Variants in ITM2B observed in about 807,000 individuals in gnomAD.
The protein encoded by ITM2B is ABri/ADan amyloid peptide.
Under a neutral mutation model 27.8 loss-of-function variants are expected in ITM2B, and 11 were observed. The ratio of observed to expected loss-of-function variants is 0.40; its 90% CI spans 0.25 to 0.66. The LOEUF is 0.66. Ranked by LOEUF, ITM2B falls within the 30% of genes least tolerant of loss-of-function variation. The pLI, the probability that ITM2B is intolerant of heterozygous loss-of-function variation, is 0.43. For synonymous variants in ITM2B, 114 were observed against 114.3 expected (o/e 1.00, Z 0.02); for missense variants, 296 against 328.9 (o/e 0.90, Z 0.77).
intron 2 of ITM2B, among the ~76,000 whole-genome samples, chr13:48,255,963 A>AG (rs1442698439): frequency 6.6e-6 from 1 of 152,128 alleles, no homozygotes; most frequent in African/African-American, 2.4e-5. Context: ...AGGGAAAACC[A>AG]GCTGCCTTTC....
chr13:48,249,777 G>A (rs1247027777), intron 1 of ITM2B, among the ~76,000 whole-genome samples: 1 of 151,996 alleles, frequency 6.6e-6, no homozygotes, highest in East Asian at 1.9e-4. Context: ...TGATGTTAAA[G>A]AATTTCACCC....
In ITM2B at chr13:48,268,566, T is replaced by TC. The variant is rs1951866732; in HGVS notation, c.*7345dup. On this transcript the variant is annotated 3_prime_UTR_variant, in exon 6 of 6. Coordinates refer to ENST00000647800, the MANE Select transcript of ITM2B (RefSeq NM_021999.5). ...TCAAAGCAATCCACCCTCCTCGGCC[T>TC]CCCAAAGTGCTAGGATTACAAGTGT... The TC allele has an allele frequency of 1.3e-5, 2 of 152,146 alleles. No individual in the cohort carries two copies. Among genetic ancestry groups the TC allele is most frequent in the African/African-American group, 4.8e-5 (2 of 41,416 alleles). 9.4% of individuals were successfully genotyped at this position (152,146 alleles called of 1,614,324 possible).
intron 1 of ITM2B, among the ~76,000 whole-genome samples, chr13:48,235,033 T>C (rs1024395687): frequency 1.4e-5 from 2 of 145,670 alleles, no homozygotes; most frequent in African/African-American, 2.6e-5. Context: ...TATACACACA[T>C]ACATTTAAAA....
At position 48,261,198 on chromosome 13, in the gene ITM2B, GC is replaced by G; in HGVS notation, c.777del (p.Val260TrpfsTer4). On this transcript the variant is annotated frameshift_variant, in exon 6 of 6. Transcript: ENST00000647800. LOFTEE classifies it high-confidence loss of function. ...AATTCGGCATTTTGAAAACAAATTT[GC>G]CGTGGAAACTTTAATTTGTTCTTGA... ...FAIRHFENKF[A>X]VETLICS is the part of the protein sequence containing the mutation. 1 of 1,612,008 alleles carries G rather than the reference GC, an allele frequency of 6.2e-7. No homozygotes were observed. Among genetic ancestry groups the G allele is most frequent in the Non-Finnish European group, 8.5e-7 (1 of 1,178,552 alleles).
In ITM2B at chr13:48,262,309, G is replaced by A. The variant is rs1180712027; in HGVS notation, c.*1085G>A. On this transcript the variant is annotated 3_prime_UTR_variant, in exon 6 of 6. Coordinates refer to ENST00000647800, the MANE Select transcript of ITM2B (RefSeq NM_021999.5). ...CACCCCCATTTAATAAAATACCTAT[G>A]ATTCATTTCACCTCAAGTTCCTAAG... 1 of 152,030 alleles carries A rather than the reference G, an allele frequency of 6.6e-6. No homozygotes were observed. The highest frequency in any genetic ancestry group is 6.6e-5 in the Admixed American group (1 of 15,234). 9.4% of individuals were successfully genotyped at this position (152,030 alleles called of 1,614,324 possible).
chr13:48,249,365 AATTTATTCATCAGTTGATGGAT>A (rs771809090), intron 1 of ITM2B, among the ~76,000 whole-genome samples: 3 of 152,160 alleles, frequency 2.0e-5, no homozygotes, highest in Non-Finnish European at 4.4e-5. Flanking sequence ...AATATACCAC[AATTTATTCATCAGTTGATGGAT>A]ATTTGGGTTG....
Position 48,250,970 on chromosome 13 carries a change from C to G in ITM2B, c.118-2838C>G, listed in dbSNP as rs142712774. Reference sequence around the variant, plus strand: ...AGCCACGTTTCACGTTGTTGAGGTGCTGAATAAATTGACCTGTGGATAAGT... The same window carrying G: ...AGCCACGTTTCACGTTGTTGAGGTGGTGAATAAATTGACCTGTGGATAAGT... On this transcript the variant is annotated intron_variant, in intron 1 of 5. Coordinates refer to ENST00000647800, the MANE Select transcript of ITM2B (RefSeq NM_021999.5). Among the ~76,000 whole-genome samples the G allele has an allele frequency of 3.2e-3, 485 of 152,282 alleles. 1 individual carries two copies. Among genetic ancestry groups the G allele is most frequent in the African/African-American group, 9.3e-3 (385 of 41,550 alleles).
In ITM2B at chr13:48,267,370, A is replaced by G. The variant is rs1407425643; in HGVS notation, c.*6146A>G. On this transcript the variant is annotated 3_prime_UTR_variant, in exon 6 of 6. Coordinates refer to ENST00000647800, the MANE Select transcript of ITM2B (RefSeq NM_021999.5). ...AACATTACACTTTATTTAACCCCTA[A>G]TTATCTGATAACCCAAGTTCTGTCA... The G allele has an allele frequency of 1.3e-5, 2 of 152,202 alleles. No individual in the cohort carries two copies. Among genetic ancestry groups the G allele is most frequent in the Non-Finnish European group, 2.9e-5 (2 of 68,036 alleles). The allele number at this position is 152,202 out of a possible 1,614,324, so 9.4% of individuals were successfully genotyped here.
At chr13:48,257,680 C>T (rs960146060) in intron 3 of ITM2B, among the ~76,000 whole-genome samples, 2 of 152,110 alleles carry the variant, frequency 1.3e-5, no homozygotes, top group Admixed American at 6.5e-5. Context: ...TCTCAACCAG[C>T]GTTTCTCATT....
intron 3 of ITM2B, among the ~76,000 whole-genome samples, chr13:48,256,807 A>C (rs559420328): frequency 7.5e-4 from 114 of 152,084 alleles, no homozygotes; most frequent in Non-Finnish European, 1.3e-3. Flanking sequence ...GAATACCCAA[A>C]ATCCTCCACT....
At chr13:48,235,776 A>T (rs1254258132) in intron 1 of ITM2B, among the ~76,000 whole-genome samples, 7 of 152,156 alleles carry the variant, frequency 4.6e-5, no homozygotes, top group Non-Finnish European at 1.0e-4. Context: ...GAATCAAACC[A>T]AGCTAGTTAA....
rs185800985 is a variant in ITM2B, at chr13:48,239,806, C to T, written c.117+6329C>T. ...TTTTATAATCTCCTTTAAAGTGGAA[C>T]GCAGGACTGGCAAATTATAGCCTAT... is the stretch of plus-strand genomic sequence containing the variant. On this transcript the variant is annotated intron_variant, in intron 1 of 5. Transcript: ENST00000647800. 1.3e-4 allele frequency among the ~76,000 whole-genome samples: 20 copies of T among 152,278 alleles called. No individual in the cohort carries two copies. In the East Asian group the frequency reaches 2.9e-3, roughly 22 times the overall value.
At chr13:48,256,932 C>T (rs1056844533) in intron 3 of ITM2B, among the ~76,000 whole-genome samples, 1 of 152,156 alleles carries the variant, frequency 6.6e-6, no homozygotes, top group African/African-American at 2.4e-5. Flanking sequence ...ATAATTATCA[C>T]ATCTAAGAAA....
intron 1 of ITM2B, among the ~76,000 whole-genome samples, chr13:48,249,429 A>G (rs181837691): frequency 6.6e-6 from 1 of 152,314 alleles, no homozygotes; most frequent in African/African-American, 2.4e-5. Context: ...ATAAATAATG[A>G]TGCTGTAAAT....
rs1951876041 is a variant in ITM2B at position 48,270,080 on chromosome 13, A to G, written c.*8856A>G. On this transcript the variant is annotated 3_prime_UTR_variant, in exon 6 of 6. Coordinates refer to ENST00000647800, the MANE Select transcript of ITM2B (RefSeq NM_021999.5). The stretch of plus-strand genomic sequence containing the variant: ...GGCAGAGAAGCACAGAACCGTGGGC[A>G]CTGCTTCCCTTCCTTTAACCCTATC... The G allele has an allele frequency of 6.6e-6, 1 of 152,246 alleles. No homozygotes were observed. Among genetic ancestry groups the G allele is most frequent in the Non-Finnish European group, 1.5e-5 (1 of 68,060 alleles). The allele number at this position is 152,246 out of a possible 1,614,324, so 9.4% of individuals were successfully genotyped here. A position where few individuals can be genotyped will look rare whatever the true frequency, so the allele number is the denominator to read the frequency against.
chr13:48,252,247 A>G (rs920329326), intron 1 of ITM2B, among the ~76,000 whole-genome samples: 1 of 152,220 alleles, frequency 6.6e-6, no homozygotes, highest in East Asian at 1.9e-4. Context: ...AATTAAAAAC[A>G]TATAATCTTA....
chr13:48,239,557 G>A (rs1310833053), intron 1 of ITM2B, among the ~76,000 whole-genome samples: 1 of 152,184 alleles, frequency 6.6e-6, no homozygotes, highest in South Asian at 2.1e-4. Context: ...GCTTGAATCT[G>A]GGAGATGGAG....
At chr13:48,254,827 G>GA (rs1315720268) in intron 2 of ITM2B, 2 of 151,660 alleles carry the variant, frequency 1.3e-5, no homozygotes, top group Non-Finnish European at 2.9e-5. Context: ...ATATAGTATA[G>GA]AAAAAATCAT....
chr13:48,242,268 T>G (rs1951703844), intron 1 of ITM2B, among the ~76,000 whole-genome samples: 1 of 152,172 alleles, frequency 6.6e-6, no homozygotes, highest in Non-Finnish European at 1.5e-5. Flanking sequence ...TGATCATGCT[T>G]CTTGGGGCAG....
Sources: allele counts gnomAD v4.1 joint callset (sites outside exome capture counted in the v4.1 genomes callset), GRCh38; gene constraint gnomAD v4.1.1; transcripts MANE v1.5; gene names NCBI Gene and HGNC (gene_info 2026-07-23, HGNC 2026-07-21).